The following COL25A1 variants were observed in gnomAD, a reference collection of about 807,000 sequenced individuals.
COL25A1 encodes collagen type XXV alpha 1 chain.
A neutral mutation model predicts 128.4 loss-of-function variants in COL25A1; 103 were observed. That is an observed-to-expected ratio of 0.80 (90% CI 0.68 to 0.94). COL25A1 has a LOEUF of 0.94. Ranked by LOEUF, COL25A1 falls within the 40% of genes least tolerant of loss-of-function variation. The pLI, the probability that COL25A1 is intolerant of heterozygous loss-of-function variation, is 0.00. For synonymous variants in COL25A1, 279 were observed against 277.2 expected (o/e 1.01, Z -0.06); for missense variants, 745 against 840.0 (o/e 0.89, Z 1.40).
chr4:108,838,091 T>C, intron 31 of COL25A1: 1 of 1,542,810 alleles, frequency 6.5e-7, no homozygotes, highest in Non-Finnish European at 8.8e-7. Flanking sequence ...AAGTTTTCTT[T>C]ACTTACTGGA....
intron 3 of COL25A1, among the ~76,000 whole-genome samples, chr4:109,174,377 TCACAGGGACCAGA>T (rs1773876478): frequency 6.6e-6 from 1 of 152,172 alleles, no homozygotes; most frequent in African/African-American, 2.4e-5. Flanking sequence ...TTCCTTTTTA[TCACAGGGACCAGA>T]CACAGCTCCT....
intron 6 of COL25A1, among the ~76,000 whole-genome samples, chr4:108,977,957 C>A (rs1466760918): frequency 6.6e-6 from 1 of 152,200 alleles, no homozygotes; most frequent in Non-Finnish European, 1.5e-5. Flanking sequence ...TTGTACCAGT[C>A]CTCTAAAGGC....
chr4:109,160,241 T>A (rs932587101), intron 3 of COL25A1, among the ~76,000 whole-genome samples: 3 of 152,162 alleles, frequency 2.0e-5, no homozygotes, highest in African/African-American at 7.2e-5. Flanking sequence ...GATATATCCA[T>A]GAGTAAATAA....
intron 11 of COL25A1, among the ~76,000 whole-genome samples, chr4:108,931,112 GAGA>G (rs747246002): frequency 3.3e-5 from 5 of 152,160 alleles, no homozygotes; most frequent in Non-Finnish European, 5.9e-5. Context: ...TATGGTTTTG[GAGA>G]AGGAGACAAT....
At chr4:109,228,721 G>C (rs1397203972) in intron 3 of COL25A1, among the ~76,000 whole-genome samples, 1 of 152,090 alleles carries the variant, frequency 6.6e-6, no homozygotes, top group African/African-American at 2.4e-5. Flanking sequence ...CCTACAATAT[G>C]AAAACTTGCT....
At chr4:109,002,848 G>A (rs1459598433) in intron 6 of COL25A1, among the ~76,000 whole-genome samples, 1 of 152,018 alleles carries the variant, frequency 6.6e-6, no homozygotes, top group East Asian at 1.9e-4. Context: ...CTGCCATGGT[G>A]GTTTGCTGCA....
chr4:109,168,141 A>G (rs1773247780), intron 3 of COL25A1, among the ~76,000 whole-genome samples: 1 of 152,144 alleles, frequency 6.6e-6, no homozygotes, highest in Non-Finnish European at 1.5e-5. Flanking sequence ...TTGATGAAAA[A>G]TTAAATGGAG....
intron 5 of COL25A1, among the ~76,000 whole-genome samples, chr4:109,047,819 A>G (rs3096478): frequency 0.51 from 73,281 of 144,516 alleles, 19,934 homozygotes; most frequent in African/African-American, 0.72. Context: ...TGCAAGCTCC[A>G]CCTCCCGGGT....
rs765354719 is a variant in COL25A1 at position 108,824,232 on chromosome 4, A to G, written c.1792-5T>C. 3.1e-6 allele frequency: 5 copies of G among 1,603,176 alleles called. No homozygotes were observed. The highest frequency in any genetic ancestry group is 1.1e-5 in the South Asian group (1 of 89,484). On this transcript the variant is annotated splice_polypyrimidine_tract_variant and splice_region_variant and intron_variant, in intron 34 of 37. Coordinates refer to ENST00000399132, the MANE Select transcript of COL25A1 (RefSeq NM_198721.4). Reference sequence around the variant, plus strand: ...ACCCCGTGGACCAGGGAAGCCCTGTAAGATAAAAAGCAAACCAAAAAGATC... The same window carrying G: ...ACCCCGTGGACCAGGGAAGCCCTGTGAGATAAAAAGCAAACCAAAAAGATC...
At chr4:109,095,742 G>T (rs1003719862) in intron 3 of COL25A1, among the ~76,000 whole-genome samples, 5 of 152,172 alleles carry the variant, frequency 3.3e-5, no homozygotes, top group Admixed American at 3.3e-4. Context: ...TAGCAGACAC[G>T]GGTATTTGTA....
intron 23 of COL25A1, 54 bp from the exon 24 acceptor site, chr4:108,859,787 TG>T: frequency 7.4e-7 from 1 of 1,354,472 alleles, no homozygotes; most frequent in Non-Finnish European, 1.1e-6. Flanking sequence ...GCATGTAGGG[TG>T]GACTGTGGCA....
At chr4:108,906,757 A>G (rs1743574703) in intron 13 of COL25A1, among the ~76,000 whole-genome samples, 1 of 152,188 alleles carries the variant, frequency 6.6e-6, no homozygotes, top group Admixed American at 6.6e-5. Flanking sequence ...CCACTAGTCT[A>G]TGAGCTCCTT....
At chr4:109,143,056 C>T (rs1417760182) in intron 3 of COL25A1, among the ~76,000 whole-genome samples, 2 of 152,166 alleles carry the variant, frequency 1.3e-5, no homozygotes, top group Non-Finnish European at 2.9e-5. Flanking sequence ...CTGGTTTTCC[C>T]TTTCCATATT....
chr4:109,035,888 CAAACT>C (rs945772210), intron 5 of COL25A1, among the ~76,000 whole-genome samples: 23 of 151,674 alleles, frequency 1.5e-4, no homozygotes, highest in African/African-American at 5.6e-4. Flanking sequence ...TTAATATCAC[CAAACT>C]AAAGATTTTT....
chr4:109,283,109 A>G (rs1235072928), intron 3 of COL25A1, among the ~76,000 whole-genome samples: 1 of 152,208 alleles, frequency 6.6e-6, no homozygotes, highest in East Asian at 1.9e-4. Flanking sequence ...AGTAGAGAGG[A>G]TAATTGAGTT....
In COL25A1 at chr4:108,901,144, C is replaced by G. The variant is rs199543731; in HGVS notation, c.809G>C (p.Gly270Ala). 6.9e-5 allele frequency: 111 copies of G among 1,612,352 alleles called. No individual in the cohort carries two copies. The highest frequency in any genetic ancestry group is 9.2e-5 in the Non-Finnish European group (108 of 1,178,876). Residue 270 changes from glycine (G) to alanine (A), a missense_variant, in exon 14 of 38, where the codon GGA (glycine) becomes GCA (alanine). Gly to Ala is a moderately conservative substitution (Grantham distance 60, BLOSUM62 0). This residue lies in a region of COL25A1 where 39 missense variants were observed against 73.3 expected (regional missense o/e 0.53). Coordinates refer to ENST00000399132, the MANE Select transcript of COL25A1 (RefSeq NM_198721.4). ...KGEPGLPGAV[G>A]QNGIPGPKGE... ...CTTAGGTCCTGGTATTCCATTCTGT[C>G]CTACTGCTCCAGGCAACCCGGGCTC...
At chr4:109,159,878 T>C (rs1304678048) in intron 3 of COL25A1, among the ~76,000 whole-genome samples, 1 of 152,080 alleles carries the variant, frequency 6.6e-6, no homozygotes, top group Non-Finnish European at 1.5e-5. Flanking sequence ...CTTGTCAACA[T>C]GATAAACAAA....
intron 5 of COL25A1, among the ~76,000 whole-genome samples, chr4:109,028,253 C>T (rs1463941940): frequency 1.3e-5 from 2 of 152,124 alleles, no homozygotes; most frequent in African/African-American, 2.4e-5. Flanking sequence ...GGACTACAGC[C>T]ACGTACCACC....
chr4:108,966,930 G>A (rs113298773), intron 8 of COL25A1, among the ~76,000 whole-genome samples: 14 of 93,578 alleles, frequency 1.5e-4, no homozygotes, highest in South Asian at 9.1e-4. Flanking sequence ...GAGAAAAAGA[G>A]AGAAAGAAAG....
Sources: gnomAD v4.1 joint callset for allele counts (sites outside exome capture counted in the v4.1 genomes callset) on GRCh38, gnomAD v4.1.1 for gene constraint, gnomAD v4.1.1 regional missense constraint, MANE v1.5 for transcripts, NCBI Gene and HGNC (gene_info 2026-07-23, HGNC 2026-07-21) for gene names.